The following LRMDA variants were observed in gnomAD, a reference collection of about 807,000 sequenced individuals.
LRMDA encodes the protein leucine rich melanocyte differentiation associated.
In LRMDA, 18 loss-of-function variants were observed where a neutral mutation model predicts 29.8. That is an observed-to-expected ratio of 0.60 (90% CI 0.42 to 0.90). The LOEUF (loss-of-function observed/expected upper bound fraction) is 0.90, where lower values mean the gene tolerates loss of function less well. Ranked by LOEUF, LRMDA falls within the 40% of genes least tolerant of loss-of-function variation. The pLI is 0.00. For synonymous variants in LRMDA, 125 were observed against 109.4 expected, an observed-to-expected ratio of 1.14 and a Z score of -0.89; for missense variants, 273 against 273.9, an observed-to-expected ratio of 1.00 and a Z score of 0.02.
intron 6 of LRMDA, among the ~76,000 whole-genome samples, chr10:76,334,107 C>G (rs1002398888): frequency 6.6e-6 from 1 of 152,210 alleles, no homozygotes; most frequent in African/African-American, 2.4e-5. Context: ...TGTTCTCATT[C>G]TAGCCTTTGG....
chr10:76,123,652 T>C (rs2132127391), intron 5 of LRMDA, among the ~76,000 whole-genome samples: 1 of 152,366 alleles, frequency 6.6e-6, no homozygotes, highest in African/African-American at 2.4e-5. Context: ...GGTTCTAAAC[T>C]GTAGGTTAGG....
intron 2 of LRMDA, among the ~76,000 whole-genome samples, chr10:75,569,448 G>T (rs1334213784): frequency 6.6e-6 from 1 of 152,052 alleles, no homozygotes; most frequent in Non-Finnish European, 1.5e-5. Flanking sequence ...TGTTATAAAA[G>T]AAAAAGAACT....
intron 2 of LRMDA, among the ~76,000 whole-genome samples, chr10:75,979,487 T>A (rs1159792410): frequency 2.6e-5 from 4 of 152,186 alleles, no homozygotes; most frequent in Non-Finnish European, 4.4e-5. Context: ...ATATATTACT[T>A]TTAATTTTTC....
At chr10:75,672,864 G>A (rs1369454796) in intron 2 of LRMDA, among the ~76,000 whole-genome samples, 2 of 150,926 alleles carry the variant, frequency 1.3e-5, no homozygotes, top group South Asian at 4.2e-4. Context: ...GAACCACTGC[G>A]CCCAACCCTT....
At chr10:76,052,160 T>C (rs1054877373) in intron 4 of LRMDA, among the ~76,000 whole-genome samples, 1 of 152,210 alleles carries the variant, frequency 6.6e-6, no homozygotes, top group African/African-American at 2.4e-5. Context: ...ATCAGTAGCT[T>C]GTACCATGTC....
intron 6 of LRMDA, among the ~76,000 whole-genome samples, chr10:76,495,399 A>C (rs951790074): frequency 2.0e-5 from 3 of 151,822 alleles, no homozygotes; most frequent in Non-Finnish European, 4.4e-5. Flanking sequence ...ATACTATACT[A>C]TCTTGATTAT....
At chr10:76,316,816 G>C (rs902920847) in intron 5 of LRMDA, among the ~76,000 whole-genome samples, 3 of 152,182 alleles carry the variant, frequency 2.0e-5, no homozygotes, top group Non-Finnish European at 2.9e-5. Flanking sequence ...ATTAATTTGT[G>C]CTCCATCATA....
intron 5 of LRMDA, among the ~76,000 whole-genome samples, chr10:76,117,662 C>T (rs986741672): frequency 6.6e-6 from 1 of 152,174 alleles, no homozygotes; most frequent in Non-Finnish European, 1.5e-5. Context: ...ATATAAAATA[C>T]AACCAAGATG....
intron 2 of LRMDA, among the ~76,000 whole-genome samples, chr10:75,792,412 G>A (rs572739181): frequency 3.3e-5 from 5 of 150,938 alleles, no homozygotes; most frequent in Non-Finnish European, 5.9e-5. Flanking sequence ...TTACAGGTGC[G>A]TCCCACCATG....
At chr10:76,141,074 C>G (rs1293474149) in intron 5 of LRMDA, among the ~76,000 whole-genome samples, 1 of 152,072 alleles carries the variant, frequency 6.6e-6, no homozygotes, top group Non-Finnish European at 1.5e-5. Flanking sequence ...TTTTGTATGG[C>G]TCCCATGCAC....
chr10:76,449,903 G>T (rs1842389392), intron 6 of LRMDA, among the ~76,000 whole-genome samples: 2 of 151,910 alleles, frequency 1.3e-5, no homozygotes, highest in Non-Finnish European at 2.9e-5. Flanking sequence ...ATAAAATCCT[G>T]ATTTTTAAAA....
At chr10:76,547,458 G>A (rs1330848048) in intron 6 of LRMDA, among the ~76,000 whole-genome samples, 2 of 152,144 alleles carry the variant, frequency 1.3e-5, no homozygotes, top group Admixed American at 6.6e-5. Flanking sequence ...CAAAAGCACA[G>A]TGTGGCTATA....
intron 2 of LRMDA, among the ~76,000 whole-genome samples, chr10:75,444,413 C>T (rs937982402): frequency 1.1e-4 from 17 of 152,284 alleles, no homozygotes; most frequent in Admixed American, 9.1e-4. Context: ...AAGGCTCACA[C>T]GTTCCTCTTT....
In LRMDA at chr10:75,964,709, C is replaced by T. The variant is rs574052925; in HGVS notation, c.132-71299C>T. On this transcript the variant is annotated intron_variant, in intron 2 of 6. Coordinates refer to ENST00000611255, the MANE Select transcript of LRMDA (RefSeq NM_001305581.2). Reference sequence around the variant, plus strand: ...CTAGATAGGATCTTGGTTAAGAGTGCCTGATCCGGAGCCAGAAGACATGCG... The same window carrying T: ...CTAGATAGGATCTTGGTTAAGAGTGTCTGATCCGGAGCCAGAAGACATGCG... Among the ~76,000 whole-genome samples the T allele has an allele frequency of 3.3e-5, 5 of 152,246 alleles. No homozygotes were observed. In the South Asian group the frequency reaches 6.2e-4, roughly 19 times the overall value.
intron 2 of LRMDA, among the ~76,000 whole-genome samples, chr10:75,706,831 C>A (rs149165885): frequency 1.1e-3 from 172 of 151,088 alleles, no homozygotes; most frequent in Middle Eastern, 7.2e-3. Context: ...AAGTCAGGTC[C>A]ACCCTGCCAT....
At chr10:76,227,268 G>C (rs111723948) in intron 5 of LRMDA, among the ~76,000 whole-genome samples, 2,466 of 152,174 alleles carry the variant, frequency 0.016, 32 homozygotes, top group South Asian at 0.07. Flanking sequence ...TAAATATATC[G>C]GTAAAGTATA....
At chr10:76,150,772 G>A (rs1850426099) in intron 5 of LRMDA, among the ~76,000 whole-genome samples, 1 of 152,170 alleles carries the variant, frequency 6.6e-6, no homozygotes, top group Non-Finnish European at 1.5e-5. Flanking sequence ...CACACTTAAC[G>A]TCTGCTTTTG....
At chr10:75,653,372 C>G (rs1202068792) in intron 2 of LRMDA, among the ~76,000 whole-genome samples, 2 of 152,098 alleles carry the variant, frequency 1.3e-5, no homozygotes, top group Non-Finnish European at 2.9e-5. Flanking sequence ...AGGGTCTGGT[C>G]TCTTGAAGGA....
intron 5 of LRMDA, among the ~76,000 whole-genome samples, chr10:76,083,665 C>T (rs983640555): frequency 6.6e-6 from 1 of 152,026 alleles, no homozygotes; most frequent in African/African-American, 2.4e-5. Context: ...CCCGTCTCTA[C>T]TAAAAAAACA....
Sources: gnomAD v4.1 joint callset for allele counts (sites outside exome capture counted in the v4.1 genomes callset) on GRCh38, gnomAD v4.1.1 for gene constraint, MANE v1.5 for transcripts, NCBI Gene and HGNC (gene_info 2026-07-23, HGNC 2026-07-21) for gene names.